The following GLB1L variants were observed in gnomAD, a reference collection of about 807,000 sequenced individuals.
GLB1L encodes galactosidase beta 1 like.
A neutral mutation model predicts 75.7 loss-of-function variants in GLB1L; 58 were observed. That is an observed-to-expected ratio of 0.77 (90% CI 0.62 to 0.95). GLB1L has a LOEUF of 0.95. Ranked by LOEUF, GLB1L falls within the 40% of genes least tolerant of loss-of-function variation. GLB1L has a pLI of 0.00. For missense variants in GLB1L, 797 were observed against 805.5 expected, an observed-to-expected ratio of 0.99 and a Z score of 0.13; for synonymous variants, 296 against 303.0, an observed-to-expected ratio of 0.98 and a Z score of 0.24.
Position 219,237,647 on chromosome 2 carries a change from C to T in GLB1L, c.1554G>A (p.Val518=). Residue 518 remains valine (V), a synonymous_variant, in exon 16 of 17, where the codon GTG becomes GTA. Transcript: ENST00000295759. ...MMFPLKIDNL[V]KWWFPLQLPK... The stretch of plus-strand genomic sequence containing the variant: ...GCAACTGGAGGGGAAACCACCACTT[C>T]ACAAGGTTATCAATTTTCAGAGGGA... 6.2e-7 allele frequency: 1 copy of T among 1,614,206 alleles called. No individual in the cohort carries two copies.
intron 1 of GLB1L, 126 bp from the exon 2 acceptor site, chr2:219,243,769 G>T (rs1951458533): frequency 3.5e-6 from 2 of 578,462 alleles, no homozygotes; most frequent in South Asian, 2.0e-5. Flanking sequence ...TTAAAGTGCA[G>T]TTCACGAACC....
At chr2:219,241,442 G>GTA (rs1212111892) in intron 5 of GLB1L, among the ~76,000 whole-genome samples, 95 of 82,894 alleles carry the variant, frequency 1.1e-3, no homozygotes, top group Middle Eastern at 9.1e-3. Context: ...GTGTGTGTGT[G>GTA]TATATATATA....
At position 219,236,902 on chromosome 2, in the gene GLB1L, A is replaced by G. The variant is rs1240324812; in HGVS notation, c.*170T>C. The G allele has an allele frequency of 9.2e-6, 5 of 540,886 alleles. No individual in the cohort carries two copies. In the Admixed American group the frequency reaches 1.3e-4, roughly 14 times the overall value. The allele number at this position is 540,886 out of a possible 1,614,324, so 33.5% of individuals were successfully genotyped here. On this transcript the variant is annotated 3_prime_UTR_variant, in exon 17 of 17. Transcript: ENST00000295759. ...GCCCTCAGCCTCCCAAGTAGCTGGGATTAGAGGTGCCCACCATCACGCCCG... is the reference window on the plus strand; with the variant it reads ...GCCCTCAGCCTCCCAAGTAGCTGGGGTTAGAGGTGCCCACCATCACGCCCG...
chr2:219,244,018 T>TGGGGGG (rs1951467001), intron 1 of GLB1L: 6 of 3,758 alleles, frequency 1.6e-3, no homozygotes, highest in Non-Finnish European at 2.9e-3. Context: ...GGGGTGGGGG[T>TGGGGGG]GGGGGTGGGG....
rs772049379 is a variant in GLB1L at position 219,242,585 on chromosome 2, C to T, written c.391-11G>A. ...GGATGGGAGACCCCCCTGAGACAAA[C>T]ATAAAGAGAACAAAGAAGCATGTAG... On this transcript the variant is annotated splice_polypyrimidine_tract_variant and intron_variant, in intron 4 of 16. Coordinates refer to ENST00000295759, the MANE Select transcript of GLB1L (RefSeq NM_001286423.2). 1 of 1,611,816 alleles carries T rather than the reference C, an allele frequency of 6.2e-7. No homozygotes were observed. Among genetic ancestry groups the T allele is most frequent in the Non-Finnish European group, 8.5e-7 (1 of 1,178,162 alleles).
In GLB1L at chr2:219,237,619, T is replaced by C. The variant is rs1951282395; in HGVS notation, c.1582A>G (p.Lys528Glu). ...GAAGGAGCTTGAGGATATGGCCATT[T>C]TGGCAACTGGAGGGGAAACCACCAC... ...VKWWFPLQLP[K>E]WPYPQAPSGP... Residue 528 changes from lysine to glutamate, a missense_variant, in exon 16 of 17, where the codon AAA becomes GAA. Physicochemically the swap from Lys to Glu is moderately conservative, Grantham distance 56 (BLOSUM62 1). Transcript: ENST00000295759. The C allele has an allele frequency of 3.7e-6, 6 of 1,614,190 alleles. No homozygotes were observed. The highest frequency in any genetic ancestry group is 5.1e-6 in the Non-Finnish European group (6 of 1,180,022).
rs745492119 is a variant in GLB1L, at chr2:219,237,112, G to A, written c.1925C>T (p.Thr642Ile). Residue 642 changes from threonine to isoleucine, a missense_variant, in exon 17 of 17, where the codon ACA becomes ATA. Transcript: ENST00000295759. ...RTHINSLSAD[T>I]LSASEPMELS... ...CTCCATTGGTTCAGAGGCACTCAGTGTATCAGCTGAAAGGGAATTGATATG... is the reference window on the plus strand; with the variant it reads ...CTCCATTGGTTCAGAGGCACTCAGTATATCAGCTGAAAGGGAATTGATATG... The A allele has an allele frequency of 1.9e-6, 3 of 1,612,900 alleles. No homozygotes were observed. The highest frequency in any genetic ancestry group is 8.5e-7 in the Non-Finnish European group (1 of 1,178,896).
Position 219,243,233 on chromosome 2 carries a change from T to C in GLB1L, c.154A>G (p.Ser52Gly). The change falls in exon 3 of 17, where the codon AGC (serine) becomes GGC (glycine). Residue 52 changes from serine to glycine, a missense_variant. Physicochemically the swap from Ser to Gly is moderately conservative, Grantham distance 56. Coordinates refer to ENST00000295759, the MANE Select transcript of GLB1L (RefSeq NM_001286423.2). ...CGCGGTACCCGAAAGTAGTGCAGGC[T>C]GCCAGACACATAGCGGAACGGGGCC... ...DGAPFRYVSGSLHYFRVPRVL... is the reference protein window; with the variant it reads ...DGAPFRYVSGGLHYFRVPRVL... The C allele has an allele frequency of 6.2e-7, 1 of 1,614,162 alleles. No homozygotes were observed. The highest frequency in any genetic ancestry group is 8.5e-7 in the Non-Finnish European group (1 of 1,179,994).
intron 5 of GLB1L, among the ~76,000 whole-genome samples, chr2:219,241,158 A>G (rs1951375665): frequency 1.3e-5 from 2 of 151,996 alleles, no homozygotes; most frequent in African/African-American, 4.8e-5. Flanking sequence ...AGGCTGGCAG[A>G]TCACGAGGTC....
chr2:219,241,544 T>G (rs1951396330), intron 5 of GLB1L, among the ~76,000 whole-genome samples: 1 of 149,788 alleles, frequency 6.7e-6, no homozygotes. Flanking sequence ...TGCAGGAGGC[T>G]TGTGATGAAG....
At chr2:219,241,465 T>TATATATACAC (rs1457421471) in intron 5 of GLB1L, among the ~76,000 whole-genome samples, 6 of 136,524 alleles carry the variant, frequency 4.4e-5, no homozygotes, top group Admixed American at 1.6e-4. Flanking sequence ...TATATATATA[T>TATATATACAC]ACATACATAT....
intron 5 of GLB1L, among the ~76,000 whole-genome samples, chr2:219,241,930 G>A (rs1177747721): frequency 2.0e-5 from 3 of 152,040 alleles, no homozygotes; most frequent in Non-Finnish European, 2.9e-5. Flanking sequence ...CCAGGGTGGG[G>A]GCAATGGGGG....
chr2:219,240,491 C>A (rs2125055848), intron 5 of GLB1L, among the ~76,000 whole-genome samples: 1 of 152,382 alleles, frequency 6.6e-6, no homozygotes, highest in Admixed American at 6.5e-5. Flanking sequence ...CGCCTGTAAT[C>A]CCAGCACTTT....
At chr2:219,239,352 C>A in intron 10 of GLB1L, 59 bp downstream of exon 10, 1 of 1,540,782 alleles carries the variant, frequency 6.5e-7, no homozygotes, top group Non-Finnish European at 8.8e-7. Context: ...CCACCTGGCC[C>A]TTAGATTCTA....
In GLB1L at chr2:219,245,237, T is replaced by C. The variant is rs552793896; in HGVS notation, c.-79A>G. 5.1e-4 allele frequency: 77 copies of C among 152,446 alleles called. 1 individual carries two copies. The highest frequency in any genetic ancestry group is 1.8e-3 in the African/African-American group (74 of 41,596). The allele number at this position is 152,446 out of a possible 1,614,324, so 9.4% of individuals were successfully genotyped here. A position where few individuals can be genotyped will look rare whatever the true frequency, so the allele number is the denominator to read the frequency against. On this transcript the variant is annotated 5_prime_UTR_variant, in exon 1 of 17. The change abolishes an upstream ATG in the 5' untranslated region. Coordinates refer to ENST00000295759, the MANE Select transcript of GLB1L (RefSeq NM_001286423.2). ...GGTATGAAGCCTCCTACCTCCAACATTGGGAGATGGAGGTCCTGGGGGCCT... is the reference window on the plus strand; with the variant it reads ...GGTATGAAGCCTCCTACCTCCAACACTGGGAGATGGAGGTCCTGGGGGCCT...
At chr2:219,238,396 C>G in intron 13 of GLB1L, 33 bp from the exon 14 acceptor site, 3 of 1,568,526 alleles carry the variant, frequency 1.9e-6, no homozygotes, top group Non-Finnish European at 2.6e-6. Context: ...TTCAGACAAA[C>G]AGAAATAAAA....
Position 219,237,111 on chromosome 2 carries a change from T to C in GLB1L, c.1926A>G (p.Thr642=), listed in dbSNP as rs915241593. The change falls in exon 17 of 17, where the codon ACA becomes ACG. Residue 642 remains threonine, a synonymous_variant. Transcript: ENST00000295759. Reference sequence around the variant, plus strand: ...ACTCCATTGGTTCAGAGGCACTCAGTGTATCAGCTGAAAGGGAATTGATAT... The same window carrying C: ...ACTCCATTGGTTCAGAGGCACTCAGCGTATCAGCTGAAAGGGAATTGATAT... ...RTHINSLSAD[T]LSASEPMELS... is the part of the protein sequence containing the mutation. 1 of 1,612,686 alleles carries C rather than the reference T, an allele frequency of 6.2e-7. No homozygotes were observed. Among genetic ancestry groups the C allele is most frequent in the African/African-American group, 1.3e-5 (1 of 74,878 alleles).
At chr2:219,241,436 GTGTGTGTATATATATA>G (rs1249337646) in intron 5 of GLB1L, among the ~76,000 whole-genome samples, 1 of 84,308 alleles carries the variant, frequency 1.2e-5, no homozygotes, top group East Asian at 5.6e-4. Context: ...GTGTGTGTGT[GTGTGTGTATATATATA>G]TATATATATA....
intron 3 of GLB1L, 91 bp from the exon 4 acceptor site, chr2:219,243,009 G>A (rs1281036404): frequency 6.4e-7 from 1 of 1,573,422 alleles, no homozygotes; most frequent in Non-Finnish European, 8.7e-7. Context: ...CCAGGAAGCG[G>A]TTGGAAGGAG....
Sources: allele counts gnomAD v4.1 joint callset (sites outside exome capture counted in the v4.1 genomes callset), GRCh38; gene constraint gnomAD v4.1.1; transcripts MANE v1.5; gene names NCBI Gene and HGNC (gene_info 2026-07-23, HGNC 2026-07-21).